Variants in PALLD observed in about 807,000 individuals in gnomAD.
The protein encoded by PALLD is palladin, cytoskeletal associated protein.
Under a neutral mutation model 123.5 loss-of-function variants are expected in PALLD, and 61 were observed. The observed-to-expected ratio is 0.49, with a 90% confidence interval of 0.40 to 0.61. The LOEUF (loss-of-function observed/expected upper bound fraction) is 0.61, where lower values mean the gene tolerates loss of function less well. Ranked by LOEUF, PALLD falls within the 20% of genes least tolerant of loss-of-function variation. PALLD has a pLI of 0.00. For missense variants in PALLD, 1,273 were observed against 1,377.0 expected, an observed-to-expected ratio of 0.92 and a Z score of 1.20; for synonymous variants, 465 against 496.4, an observed-to-expected ratio of 0.94 and a Z score of 0.84.
chr4:168,651,459 G>A (rs908717288), intron 2 of PALLD, among the ~76,000 whole-genome samples: 2 of 151,962 alleles, frequency 1.3e-5, no homozygotes, highest in Non-Finnish European at 2.9e-5. Context: ...TCACAAACAT[G>A]CATCAAAGTA....
intron 8 of PALLD, among the ~76,000 whole-genome samples, chr4:168,692,522 A>G (rs1163041238): frequency 6.6e-6 from 1 of 152,228 alleles, no homozygotes; most frequent in Non-Finnish European, 1.5e-5. Context: ...TTCTGAGATT[A>G]AATCTGCTGC....
chr4:168,823,591 G>T (rs1388655481), intron 10 of PALLD, among the ~76,000 whole-genome samples: 2 of 151,996 alleles, frequency 1.3e-5, no homozygotes, highest in Non-Finnish European at 2.9e-5. Flanking sequence ...GAGGTGGGAG[G>T]ATGGCTTGAT....
At chr4:168,636,402 T>G (rs909722898) in intron 2 of PALLD, among the ~76,000 whole-genome samples, 2 of 152,198 alleles carry the variant, frequency 1.3e-5, no homozygotes, top group African/African-American at 4.8e-5. Context: ...AGAAGATCGC[T>G]TGAGCTCAGA....
chr4:168,757,723 A>G (rs1478810133), intron 10 of PALLD, among the ~76,000 whole-genome samples: 1 of 152,256 alleles, frequency 6.6e-6, no homozygotes, highest in Non-Finnish European at 1.5e-5. Flanking sequence ...GACAACGGCA[A>G]TAGTAACAGG....
chr4:168,804,696 CT>C (rs1739882145), intron 10 of PALLD, among the ~76,000 whole-genome samples: 1 of 152,168 alleles, frequency 6.6e-6, no homozygotes, highest in African/African-American at 2.4e-5. Context: ...TTTCTGTTGG[CT>C]TTAATTAAGT....
At chr4:168,612,520 T>G (rs1773839086) in intron 2 of PALLD, among the ~76,000 whole-genome samples, 1 of 152,190 alleles carries the variant, frequency 6.6e-6, no homozygotes, top group Admixed American at 6.5e-5. Context: ...GTGAAAGTTT[T>G]CCTTGGCTGC....
At chr4:168,687,855 G>A (rs1489249978) in intron 6 of PALLD, among the ~76,000 whole-genome samples, 1 of 152,124 alleles carries the variant, frequency 6.6e-6, no homozygotes, top group Non-Finnish European at 1.5e-5. Context: ...CCAAAACTCT[G>A]TTCTTTATAT....
intron 2 of PALLD, among the ~76,000 whole-genome samples, chr4:168,612,638 G>T (rs1307555400): frequency 2.0e-5 from 3 of 152,128 alleles, no homozygotes; most frequent in Non-Finnish European, 4.4e-5. Flanking sequence ...AGACTGCCTT[G>T]CAACTGCCTC....
At chr4:168,679,987 A>G (rs1781379968) in intron 3 of PALLD, among the ~76,000 whole-genome samples, 1 of 152,120 alleles carries the variant, frequency 6.6e-6, no homozygotes, top group South Asian at 2.1e-4. Flanking sequence ...ACTGTTTTCA[A>G]TGTCAATAAA....
At chr4:168,901,893 T>A (rs1198804164) in intron 14 of PALLD, among the ~76,000 whole-genome samples, 3 of 152,142 alleles carry the variant, frequency 2.0e-5, no homozygotes, top group African/African-American at 7.2e-5. Context: ...AGTAAAATAA[T>A]TATGAAGTAT....
At chr4:168,685,346 G>A (rs766010528) in intron 5 of PALLD, 139 bp from the exon 6 acceptor site, 4 of 735,638 alleles carry the variant, frequency 5.4e-6, no homozygotes, top group Non-Finnish European at 1.0e-5. Flanking sequence ...AAGAGCAGAC[G>A]AGCAAAATGA....
chr4:168,767,276 G>A (rs1581370648), intron 10 of PALLD, among the ~76,000 whole-genome samples: 1 of 152,066 alleles, frequency 6.6e-6, no homozygotes, highest in East Asian at 1.9e-4. Context: ...CTGTGGTTGG[G>A]TACAGCCACC....
In PALLD at chr4:168,794,512, A is replaced by G. The variant is rs570109631; in HGVS notation, c.1964+82589A>G. Among the ~76,000 whole-genome samples the G allele has an allele frequency of 7.4e-3, 1,081 of 146,062 alleles. 2 individuals carry two copies. The highest frequency in any genetic ancestry group is 0.018 in the East Asian group (93 of 5,108). On this transcript the variant is annotated intron_variant, in intron 10 of 21. Coordinates refer to ENST00000505667, the MANE Select transcript of PALLD (RefSeq NM_001166108.2). ...CATGCACGCACACACACACGCACAC[A>G]CACACACACACACACACACACACAC... is the stretch of plus-strand genomic sequence containing the variant.
chr4:168,699,052 A>G (rs1448983255), intron 8 of PALLD, among the ~76,000 whole-genome samples: 4 of 152,136 alleles, frequency 2.6e-5, no homozygotes, highest in African/African-American at 9.6e-5. Context: ...GATATTAAAT[A>G]CAATTGACAA....
chr4:168,738,925 G>T (rs1277798453), intron 10 of PALLD, among the ~76,000 whole-genome samples: 1 of 152,004 alleles, frequency 6.6e-6, no homozygotes, highest in Admixed American at 6.6e-5. Flanking sequence ...AAAAGGAAAA[G>T]ACTTTCAAGC....
chr4:168,894,508 C>T, intron 11 of PALLD, 71 bp from the exon 12 acceptor site: 1 of 930,856 alleles, frequency 1.1e-6, no homozygotes, highest in Non-Finnish European at 1.7e-6. Context: ...GTTTTTTACT[C>T]TTTTTCATAG....
chr4:168,609,292 G>A (rs984670518), intron 2 of PALLD, among the ~76,000 whole-genome samples: 4 of 140,964 alleles, frequency 2.8e-5, no homozygotes, highest in Non-Finnish European at 4.5e-5. Context: ...ACTGATCCCA[G>A]GAGACAGGAA....
At chr4:168,818,075 C>T in intron 10 of PALLD, among the ~76,000 whole-genome samples, 1 of 152,158 alleles carries the variant, frequency 6.6e-6, no homozygotes, top group East Asian at 1.9e-4. Context: ...AAATAACCTG[C>T]CCCCCACTTA....
At chr4:168,670,885 G>GT (rs1301680592) in intron 3 of PALLD, among the ~76,000 whole-genome samples, 10 of 151,146 alleles carry the variant, frequency 6.6e-5, no homozygotes, top group African/African-American at 2.4e-4. Context: ...GGCCAACATG[G>GT]TAAAACCCCA....
Sources: gnomAD v4.1 joint callset for allele counts (sites outside exome capture counted in the v4.1 genomes callset) on GRCh38, gnomAD v4.1.1 for gene constraint, MANE v1.5 for transcripts, NCBI Gene and HGNC (gene_info 2026-07-23, HGNC 2026-07-21) for gene names.